The following UTP23 variants were observed in gnomAD, a reference collection of about 807,000 sequenced individuals.
UTP23 encodes the protein rRNA-processing protein UTP23 homolog.
UTP23 carries 10 observed loss-of-function variants against 19.8 expected under a neutral mutation model. The ratio of observed to expected loss-of-function variants is 0.50; its 90% CI spans 0.31 to 0.86. The LOEUF is 0.86. Ranked by LOEUF, UTP23 falls within the 40% of genes least tolerant of loss-of-function variation. The pLI, the probability that UTP23 is intolerant of heterozygous loss-of-function variation, is 0.05. For synonymous variants in UTP23, 108 were observed against 105.4 expected (o/e 1.02, Z -0.15); for missense variants, 282 against 293.1 (o/e 0.96, Z 0.28).
chr8:116,766,764 T>C lies in UTP23; in HGVS notation c.161T>C (p.Met54Thr). 2 of 1,582,342 alleles carry C rather than the reference T, an allele frequency of 1.3e-6. No individual in the cohort carries two copies. Among genetic ancestry groups the C allele is most frequent in the South Asian group, 2.3e-5 (2 of 88,146 alleles). The change falls in exon 1 of 3, where the codon ATG becomes ACG. Residue 54 changes from methionine (M) to threonine (T), a missense_variant. Physicochemically the swap from Met to Thr is moderately conservative, Grantham distance 81 (BLOSUM62 -1). Transcript: ENST00000309822. Reference protein sequence around the residue: ...QLREQLPRYLMGETQLCTTRC... With the variant: ...QLREQLPRYLTGETQLCTTRC... Reference sequence around the variant, plus strand: ...CGGGAGCAGCTGCCCCGCTACCTCATGGGGGAGACGCAGCTGTGCACCACA... The same window carrying C: ...CGGGAGCAGCTGCCCCGCTACCTCACGGGGGAGACGCAGCTGTGCACCACA...
rs1248844738 is a variant in UTP23 at position 116,771,496 on chromosome 8, T to C, written c.404T>C (p.Val135Ala). 7.9e-6 allele frequency: 12 copies of C among 1,518,408 alleles called. No individual in the cohort carries two copies. Among genetic ancestry groups the C allele is most frequent in the Non-Finnish European group, 1.1e-5 (12 of 1,137,560 alleles). 94.1% of individuals were successfully genotyped at this position (1,518,408 alleles called of 1,614,324 possible). ...LSVKVKKKPG[V>A]PLMFIIQNTM... ...GTGAAAGTAAAAAAGAAGCCTGGAGTTCCTCTCATGTTTATTATTCAGAAC... is the reference window on the plus strand; with the variant it reads ...GTGAAAGTAAAAAAGAAGCCTGGAGCTCCTCTCATGTTTATTATTCAGAAC... The change falls in exon 3 of 3, where the codon GTT (valine) becomes GCT (alanine). Residue 135 changes from valine to alanine, a missense_variant. Val to Ala is a moderately conservative substitution (Grantham distance 64). Transcript: ENST00000309822.
At position 116,773,100 on chromosome 8, in the gene UTP23, T is replaced by C. The variant is rs1804521223; in HGVS notation, c.*1258T>C. ...ACTTCTTTGCTGGAAGTTGGAATTA[T>C]AGCTTTACACCAAGGAGTGACACGT... is the stretch of plus-strand genomic sequence containing the variant. On this transcript the variant is annotated 3_prime_UTR_variant, in exon 3 of 3. Transcript: ENST00000309822. The C allele has an allele frequency of 1.0e-6, 1 of 985,456 alleles. No homozygotes were observed. Among genetic ancestry groups the C allele is most frequent in the Non-Finnish European group, 1.2e-6 (1 of 829,936 alleles). The allele number at this position is 985,456 out of a possible 1,614,324, so 61.0% of individuals were successfully genotyped here.
chr8:116,769,096 G>C (rs1815620172), intron 1 of UTP23, among the ~76,000 whole-genome samples: 1 of 152,204 alleles, frequency 6.6e-6, no homozygotes, highest in Non-Finnish European at 1.5e-5. Flanking sequence ...AGAGTTTACT[G>C]ATATTCAGGT....
At chr8:116,769,951 A>G in intron 1 of UTP23, 1 of 337,500 alleles carries the variant, frequency 3.0e-6, no homozygotes, top group Admixed American at 4.5e-5. Flanking sequence ...GAGATTAATC[A>G]AGAATTTATG....
At position 116,766,575 on chromosome 8, in the gene UTP23, C is replaced by T. The variant is rs560838595; in HGVS notation, c.-29C>T. ...GAGGCGTTTACTGATGCTTCCTGGT[C>T]CGGTGGCCTCGGTCCCGGTAAGCCA... On this transcript the variant is annotated 5_prime_UTR_variant, in exon 1 of 3. Coordinates refer to ENST00000309822, the MANE Select transcript of UTP23 (RefSeq NM_032334.3). 2 of 1,599,562 alleles carry T rather than the reference C, an allele frequency of 1.3e-6. No homozygotes were observed. Among genetic ancestry groups the T allele is most frequent in the African/African-American group, 1.3e-5 (1 of 74,754 alleles).
At chr8:116,768,218 C>T (rs1167944247) in intron 1 of UTP23, among the ~76,000 whole-genome samples, 1 of 152,172 alleles carries the variant, frequency 6.6e-6, no homozygotes, top group Non-Finnish European at 1.5e-5. Flanking sequence ...TTTTGATCCC[C>T]TTAGTCTTTA....
chr8:116,770,025 T>C (rs1347053637), intron 1 of UTP23, 167 bp from the exon 2 acceptor site: 2 of 606,016 alleles, frequency 3.3e-6, no homozygotes, highest in African/African-American at 3.7e-5. Flanking sequence ...ACTGTTGTTC[T>C]TCCTACTTGG....
In UTP23 at chr8:116,772,412, A is replaced by T; in HGVS notation, c.*570A>T. ...TTGACAGAAGAAACTTCCTCTTTCAATTCTAGTAGTTGAAGAATTTATATT... is the reference window on the plus strand; with the variant it reads ...TTGACAGAAGAAACTTCCTCTTTCATTTCTAGTAGTTGAAGAATTTATATT... On this transcript the variant is annotated 3_prime_UTR_variant, in exon 3 of 3. Coordinates refer to ENST00000309822, the MANE Select transcript of UTP23 (RefSeq NM_032334.3). 2.1e-6 allele frequency: 2 copies of T among 956,232 alleles called. No homozygotes were observed. Among genetic ancestry groups the T allele is most frequent in the Non-Finnish European group, 2.5e-6 (2 of 803,434 alleles). The allele number at this position is 956,232 out of a possible 1,614,324, so 59.2% of individuals were successfully genotyped here.
rs919737467 is a variant in UTP23 at position 116,772,740 on chromosome 8, G to T, written c.*898G>T. The T allele has an allele frequency of 1.0e-6, 1 of 985,234 alleles. No individual in the cohort carries two copies. Among genetic ancestry groups the T allele is most frequent in the African/African-American group, 1.7e-5 (1 of 57,230 alleles). The allele number at this position is 985,234 out of a possible 1,614,324, so 61.0% of individuals were successfully genotyped here. On this transcript the variant is annotated 3_prime_UTR_variant, in exon 3 of 3. Coordinates refer to ENST00000309822, the MANE Select transcript of UTP23 (RefSeq NM_032334.3). ...GATTGACTGTGAATGTTATTGAAAA[G>T]TGTCTAAATTAGTCTGAGGATCAAT...
rs1445056796 is a variant in UTP23 at position 116,771,923 on chromosome 8, C to T, written c.*81C>T. On this transcript the variant is annotated 3_prime_UTR_variant, in exon 3 of 3. Coordinates refer to ENST00000309822, the MANE Select transcript of UTP23 (RefSeq NM_032334.3). ...GAAGTATTTATAATAAAAGACCAAA[C>T]TTATTTTTGTAAATGAACCCATATG... 4.1e-6 allele frequency: 6 copies of T among 1,472,750 alleles called. No homozygotes were observed. The Admixed American group carries it at 1.5e-4, about 37-fold the overall frequency. 91.2% of individuals were successfully genotyped at this position (1,472,750 alleles called of 1,614,324 possible). A position where few individuals can be genotyped will look rare whatever the true frequency, so the allele number is the denominator to read the frequency against.
At chr8:116,770,437 A>C (rs1208522807) in intron 2 of UTP23, 71 bp downstream of exon 2, 3 of 1,421,196 alleles carry the variant, frequency 2.1e-6, no homozygotes, top group Non-Finnish European at 2.8e-6. Flanking sequence ...GCTATTTATA[A>C]TCAGAAAAAA....
chr8:116,771,331 G>A (rs1815647748), intron 2 of UTP23, 125 bp from the exon 3 acceptor site: 3 of 778,166 alleles, frequency 3.9e-6, no homozygotes, highest in South Asian at 4.4e-5. Context: ...AAATGAATAA[G>A]TGAGGCTTAC....
chr8:116,771,812 T>C lies in UTP23; in HGVS notation c.720T>C (p.Leu240=). 1 of 1,585,700 alleles carries C rather than the reference T, an allele frequency of 6.3e-7. No individual in the cohort carries two copies. Among genetic ancestry groups the C allele is most frequent in the South Asian group, 1.2e-5 (1 of 84,642 alleles). ...GGAACAGATCTAACCCAAAAGTACT[T>C]TCTGAGAAGCAGAATGCAGAAGGAG... ...RIRNRSNPKV[L]SEKQNAEGE Residue 240 remains leucine (L), a synonymous_variant, in exon 3 of 3, where the codon CTT becomes CTC. Coordinates refer to ENST00000309822, the MANE Select transcript of UTP23 (RefSeq NM_032334.3).
In UTP23 at chr8:116,773,848, G is replaced by T. The variant is rs1815691177; in HGVS notation, c.*2006G>T. 2 of 800,962 alleles carry T rather than the reference G, an allele frequency of 2.5e-6. No individual in the cohort carries two copies. The highest frequency in any genetic ancestry group is 1.1e-4 in the South Asian group (2 of 17,472). 49.6% of individuals were successfully genotyped at this position (800,962 alleles called of 1,614,324 possible). A position where few individuals can be genotyped will look rare whatever the true frequency, so the allele number is the denominator to read the frequency against. On this transcript the variant is annotated 3_prime_UTR_variant, in exon 3 of 3. Transcript: ENST00000309822. The stretch of plus-strand genomic sequence containing the variant: ...AAATAAGTTTACTATTTTAAAACTG[G>T]TTAATCATTTATGTATTTTGCCAGT...
chr8:116,767,014 TGA>T (rs138486815), intron 1 of UTP23: 26,493 of 493,304 alleles, frequency 0.054, 949 homozygotes, highest in African/African-American at 0.11. Context: ...GCCTGGCGAA[TGA>T]GAGCACATTA....
Position 116,772,709 on chromosome 8 carries a change from C to T in UTP23, c.*867C>T. 1.0e-6 allele frequency: 1 copy of T among 984,920 alleles called. No individual in the cohort carries two copies. The highest frequency in any genetic ancestry group is 1.2e-6 in the Non-Finnish European group (1 of 829,538). 61.0% of individuals were successfully genotyped at this position (984,920 alleles called of 1,614,324 possible). ...AGCAAGAATTCAAAAATAATATTCT[C>T]TTTGAGATTGACTGTGAATGTTATT... On this transcript the variant is annotated 3_prime_UTR_variant, in exon 3 of 3. Coordinates refer to ENST00000309822, the MANE Select transcript of UTP23 (RefSeq NM_032334.3).
chr8:116,770,035 G>A, intron 1 of UTP23, 157 bp from the exon 2 acceptor site: 2 of 648,906 alleles, frequency 3.1e-6, no homozygotes, highest in Non-Finnish European at 2.5e-6. Context: ...TTCCTACTTG[G>A]TAAATGCATT....
Position 116,772,868 on chromosome 8 carries a change from A to C in UTP23, c.*1026A>C. ...CAGGCCAAAATTAAAATGTTTTTGT[A>C]CTACAAGATGGAAGTATAAAATTAT... On this transcript the variant is annotated 3_prime_UTR_variant, in exon 3 of 3. Transcript: ENST00000309822. 1 of 985,400 alleles carries C rather than the reference A, an allele frequency of 1.0e-6. No homozygotes were observed. Among genetic ancestry groups the C allele is most frequent in the South Asian group, 4.7e-5 (1 of 21,280 alleles). The allele number at this position is 985,400 out of a possible 1,614,324, so 61.0% of individuals were successfully genotyped here.
chr8:116,769,353 G>A (rs1291690892), intron 1 of UTP23, among the ~76,000 whole-genome samples: 1 of 152,186 alleles, frequency 6.6e-6, no homozygotes, highest in East Asian at 1.9e-4. Context: ...AGGTTGAGCA[G>A]CTGATGGCAT....
Sources: allele counts gnomAD v4.1 joint callset (sites outside exome capture counted in the v4.1 genomes callset), GRCh38; gene constraint gnomAD v4.1.1; transcripts MANE v1.5; gene names NCBI Gene and HGNC (gene_info 2026-07-23, HGNC 2026-07-21).